The following PPP2R2D variants were observed in gnomAD, a reference collection of about 807,000 sequenced individuals.
The protein encoded by PPP2R2D is serine/threonine-protein phosphatase 2A 55 kDa regulatory subunit B delta isoform.
Under a neutral mutation model 31.1 loss-of-function variants are expected in PPP2R2D, and 9 were observed. That is an observed-to-expected ratio of 0.29 (90% CI 0.17 to 0.51). PPP2R2D has a LOEUF of 0.51. Among genes scored for constraint, PPP2R2D ranks in the 20% least tolerant of loss-of-function variants. The probability of loss-of-function intolerance (pLI) is 0.98; values close to 1 mark genes in which losing one functional copy is unlikely to be tolerated. For synonymous variants in PPP2R2D, 179 were observed against 172.6 expected, an observed-to-expected ratio of 1.04 and a Z score of -0.29; for missense variants, 391 against 465.6, an observed-to-expected ratio of 0.84 and a Z score of 1.48.
In PPP2R2D at chr10:131,959,263, C is replaced by T. The variant is rs541092611; in HGVS notation, c.*3300C>T. On this transcript the variant is annotated 3_prime_UTR_variant, in exon 9 of 9. Coordinates refer to ENST00000455566, the MANE Select transcript of PPP2R2D (RefSeq NM_018461.5). ...CCCCGTCCCCCTGTGGAGATGAAGGCGTGTGCTGATCCGCCGTCCCCCTGT... is the reference window on the plus strand; with the variant it reads ...CCCCGTCCCCCTGTGGAGATGAAGGTGTGTGCTGATCCGCCGTCCCCCTGT... 3.0e-4 allele frequency: 37 copies of T among 125,216 alleles called. No homozygotes were observed. The highest frequency in any genetic ancestry group is 3.4e-4 in the Non-Finnish European group (22 of 64,298). 7.8% of individuals were successfully genotyped at this position (125,216 alleles called of 1,614,324 possible). A position where few individuals can be genotyped will look rare whatever the true frequency, so the allele number is the denominator to read the frequency against.
chr10:131,940,904 C>T (rs1038903205), intron 5 of PPP2R2D: 2 of 483,398 alleles, frequency 4.1e-6, no homozygotes, highest in African/African-American at 3.9e-5. Flanking sequence ...ACATGTGGTC[C>T]TTAGGAAACA....
At position 131,957,138 on chromosome 10, in the gene PPP2R2D, G is replaced by A. The variant is rs540184389; in HGVS notation, c.*1175G>A. The A allele has an allele frequency of 1.5e-4, 25 of 163,850 alleles. 1 individual carries two copies. Among genetic ancestry groups the A allele is most frequent in the African/African-American group, 5.3e-4 (22 of 41,810 alleles). The allele number at this position is 163,850 out of a possible 1,614,324, so 10.1% of individuals were successfully genotyped here. The stretch of plus-strand genomic sequence containing the variant: ...GTGGGATTTAACACACGCCCACTAC[G>A]TGTCCCCGAGGGGAGTGGGGAGTCG... On this transcript the variant is annotated 3_prime_UTR_variant, in exon 9 of 9. Transcript: ENST00000455566.
chr10:131,909,886 GAAAC>G (rs1342054880), intron 2 of PPP2R2D, among the ~76,000 whole-genome samples: 1 of 152,148 alleles, frequency 6.6e-6, no homozygotes, highest in Non-Finnish European at 1.5e-5. Context: ...TTTTTAATGA[GAAAC>G]AACTTTTCAA....
chr10:131,915,042 T>C (rs1048479110), intron 2 of PPP2R2D, among the ~76,000 whole-genome samples: 13 of 152,080 alleles, frequency 8.5e-5, no homozygotes, highest in African/African-American at 2.9e-4. Context: ...TTCTGGAATT[T>C]TAATGGTTTT....
At chr10:131,920,470 A>G (rs2035963873) in intron 2 of PPP2R2D, among the ~76,000 whole-genome samples, 1 of 152,372 alleles carries the variant, frequency 6.6e-6, no homozygotes, top group African/African-American at 2.4e-5. Context: ...GAAGGACATA[A>G]TGACATAGTG....
At position 131,901,020 on chromosome 10, in the gene PPP2R2D, CCGGCGG is replaced by C. The variant is rs1229531944; in HGVS notation, c.-108_-103del. The C allele has an allele frequency of 0.02, 3,107 of 153,994 alleles. 48 individuals are homozygous for C. The highest frequency in any genetic ancestry group is 0.027 in the Non-Finnish European group (1,938 of 72,022). 9.5% of individuals were successfully genotyped at this position (153,994 alleles called of 1,614,324 possible). ...TTTGAAAAGGGAAAAAAATCCCTCC[CCGGCGG>C]CGGCGGCGGCGGCGGCGGCGCCGGC... is the stretch of plus-strand genomic sequence containing the variant. On this transcript the variant is annotated 5_prime_UTR_variant, in exon 1 of 9. Coordinates refer to ENST00000455566, the MANE Select transcript of PPP2R2D (RefSeq NM_018461.5).
chr10:131,960,056 C>T (rs1441129702), downstream of PPP2R2D, among the ~76,000 whole-genome samples: 3 of 152,208 alleles, frequency 2.0e-5, no homozygotes, highest in African/African-American at 7.2e-5. Context: ...TCTGGGGCGC[C>T]TGCGGGGGAA....
rs1554897928 is a variant in PPP2R2D, at chr10:131,945,921, C to A, written c.820+462C>A. 6.4e-6 allele frequency: 1 copy of A among 156,508 alleles called. No individual in the cohort carries two copies. Among genetic ancestry groups the A allele is most frequent in the Non-Finnish European group, 1.4e-5 (1 of 70,450 alleles). 9.7% of individuals were successfully genotyped at this position (156,508 alleles called of 1,614,324 possible). A position where few individuals can be genotyped will look rare whatever the true frequency, so the allele number is the denominator to read the frequency against. ...CAGAGGCTGCTGCTAATAAGTGGAACTCGAGGTCATGCTTCCCACAGGCTT... is the reference window on the plus strand; with the variant it reads ...CAGAGGCTGCTGCTAATAAGTGGAAATCGAGGTCATGCTTCCCACAGGCTT... On this transcript the variant is annotated intron_variant, in intron 7 of 8. Transcript: ENST00000455566. The surrounding 1 kb of genome is among the most constrained non-coding windows in gnomAD (Gnocchi z 4.8).
At chr10:131,932,675 A>C (rs1031168763) in intron 2 of PPP2R2D, among the ~76,000 whole-genome samples, 5 of 150,014 alleles carry the variant, frequency 3.3e-5, no homozygotes, top group Admixed American at 6.7e-5. Flanking sequence ...AAAACACACA[A>C]AAAAAACCTA....
At position 131,958,390 on chromosome 10, in the gene PPP2R2D, C is replaced by CGTGCCCCTGTGG. The variant is rs1564830195; in HGVS notation, c.*2427_*2428insGTGCCCCTGTGG. On this transcript the variant is annotated 3_prime_UTR_variant, in exon 9 of 9. Transcript: ENST00000455566. ...GAGATGAAGGTGTGTGCTGATTCCT[C>CGTGCCCCTGTGG]ATGCCCCTGTGGAGATGGAGGTGTG... 2.7e-5 allele frequency: 5 copies of CGTGCCCCTGTGG among 184,624 alleles called. 1 individual carries two copies. In the East Asian group the frequency reaches 9.7e-4, roughly 36 times the overall value. 11.4% of individuals were successfully genotyped at this position (184,624 alleles called of 1,614,324 possible).
At chr10:131,936,984 G>A (rs1486227068) in intron 3 of PPP2R2D, among the ~76,000 whole-genome samples, 1 of 152,258 alleles carries the variant, frequency 6.6e-6, no homozygotes, top group African/African-American at 2.4e-5. Context: ...GGAGGCCGCG[G>A]ATGGTGTTGC....
chr10:131,932,667 A>AAAAAAAAAAAAACAC (rs1564817986), intron 2 of PPP2R2D, among the ~76,000 whole-genome samples: 2 of 133,156 alleles, frequency 1.5e-5, no homozygotes, highest in African/African-American at 6.9e-5. Flanking sequence ...AAAAAAAAAA[A>AAAAAAAAAAAAACAC]ACACACAAAA....
chr10:131,934,876 CTT>C, intron 3 of PPP2R2D: 1 of 467,572 alleles, frequency 2.1e-6, no homozygotes. Flanking sequence ...CTGAAAATCC[CTT>C]TATACGCCTA....
At chr10:131,901,435 A>AGGGGGGCCGGGCGGGG in intron 2 of PPP2R2D, 105 bp downstream of exon 2, 1 of 321,860 alleles carries the variant, frequency 3.1e-6, no homozygotes, top group Non-Finnish European at 5.7e-6. Context: ...AGGCAGGAGG[A>AGGGGGGCCGGGCGGGG]TGGGGGCCGG....
At chr10:131,926,989 G>A (rs1359047847) in intron 2 of PPP2R2D, among the ~76,000 whole-genome samples, 1 of 152,212 alleles carries the variant, frequency 6.6e-6, no homozygotes, top group African/African-American at 2.4e-5. Flanking sequence ...GGAGGAGAGG[G>A]TGTGGTGACC....
chr10:131,962,195 G>A (rs899931681), downstream of PPP2R2D, among the ~76,000 whole-genome samples: 4 of 152,166 alleles, frequency 2.6e-5, no homozygotes, highest in African/African-American at 2.4e-5. Context: ...ATCGAGCAGC[G>A]GGGCTCGCAG....
chr10:131,914,939 C>G (rs1372041783), intron 2 of PPP2R2D, among the ~76,000 whole-genome samples: 1 of 152,112 alleles, frequency 6.6e-6, no homozygotes, highest in Non-Finnish European at 1.5e-5. Flanking sequence ...AGAGGGAGTT[C>G]TAGCAACTCG....
intron 2 of PPP2R2D, among the ~76,000 whole-genome samples, chr10:131,918,971 A>G (rs1386859685): frequency 2.6e-5 from 3 of 113,410 alleles, no homozygotes; most frequent in African/African-American, 6.9e-5. Context: ...AGGCGGGTGG[A>G]ATGACACAGT....
chr10:131,954,947 C>T (rs1035340858), intron 8 of PPP2R2D, among the ~76,000 whole-genome samples: 8 of 152,186 alleles, frequency 5.3e-5, no homozygotes, highest in African/African-American at 1.9e-4. Context: ...CAAATCATGG[C>T]AGCGTTTGCA....
Sources: gnomAD v4.1 joint callset for allele counts (sites outside exome capture counted in the v4.1 genomes callset) on GRCh38, gnomAD v4.1.1 for gene constraint, Gnocchi (gnomAD v3.1) non-coding constraint, MANE v1.5 for transcripts, NCBI Gene and HGNC (gene_info 2026-07-23, HGNC 2026-07-21) for gene names.